The following GNA13 variants were observed in gnomAD, a reference collection of about 807,000 sequenced individuals.
The protein encoded by GNA13 is G protein subunit alpha 13.
GNA13 carries 4 observed loss-of-function variants against 33.5 expected under a neutral mutation model. The ratio of observed to expected loss-of-function variants is 0.12; its 90% confidence interval spans 0.06 to 0.27. The LOEUF (loss-of-function observed/expected upper bound fraction) is 0.27, where lower values mean the gene tolerates loss of function less well. GNA13 is among the 10% of genes least tolerant of loss of function. The probability of loss-of-function intolerance (pLI) is 1.00; values close to 1 mark genes in which losing one functional copy is unlikely to be tolerated. For missense variants in GNA13, 319 were observed against 487.2 expected, an observed-to-expected ratio of 0.65 and a Z score of 3.25; for synonymous variants, 176 against 183.8, an observed-to-expected ratio of 0.96 and a Z score of 0.34.
At chr17:65,048,690 A>C (rs1907755851) in intron 2 of GNA13, among the ~76,000 whole-genome samples, 1 of 152,212 alleles carries the variant, frequency 6.6e-6, no homozygotes, top group Non-Finnish European at 1.5e-5. Context: ...ATTACTAACA[A>C]ATGAGTAGTC....
chr17:65,014,743 A>T lies in GNA13; in HGVS notation c.648T>A (p.Val216=). The part of the protein sequence containing the change: ...IHEYDFEIKN[V]PFKMVDVGGQ... Reference sequence around the variant, plus strand: ...CACCTACATCAACCATTTTGAAAGGAACATTTTTTATTTCAAAGTCGTATT... The same window carrying T: ...CACCTACATCAACCATTTTGAAAGGTACATTTTTTATTTCAAAGTCGTATT... Residue 216 remains valine (V), a synonymous_variant, in exon 4 of 4, where the codon GTT becomes GTA. Coordinates refer to ENST00000439174, the MANE Select transcript of GNA13 (RefSeq NM_006572.6). The surrounding 1 kb of genome is among the most constrained non-coding windows in gnomAD (Gnocchi z 5.3). The T allele has an allele frequency of 6.2e-7, 1 of 1,613,912 alleles. No individual in the cohort carries two copies. Among genetic ancestry groups the T allele is most frequent in the Non-Finnish European group, 8.5e-7 (1 of 1,179,790 alleles).
At chr17:65,046,510 T>G (rs1478503601) in intron 2 of GNA13, among the ~76,000 whole-genome samples, 1 of 152,210 alleles carries the variant, frequency 6.6e-6, no homozygotes, top group Non-Finnish European at 1.5e-5. Flanking sequence ...CAGGCCGTTC[T>G]GGAATTCTTG....
At position 65,039,419 on chromosome 17, in the gene GNA13, G is replaced by A. The variant is rs141405486; in HGVS notation, c.510+14083C>T. 1.8e-4 allele frequency among the ~76,000 whole-genome samples: 27 copies of A among 152,292 alleles called. 1 individual carries two copies. The highest frequency in any genetic ancestry group is 4.1e-4 in the South Asian group (2 of 4,824). On this transcript the variant is annotated intron_variant, in intron 2 of 3. Coordinates refer to ENST00000439174, the MANE Select transcript of GNA13 (RefSeq NM_006572.6). ...TTGGTGGCTTCCCAAGGCAGTCAGA[G>A]AAACCCCAAACTTCTCAACATGGGC... is the stretch of plus-strand genomic sequence containing the variant.
chr17:65,039,122 AG>A (rs1907367253), intron 2 of GNA13, among the ~76,000 whole-genome samples: 1 of 152,196 alleles, frequency 6.6e-6, no homozygotes, highest in African/African-American at 2.4e-5. Flanking sequence ...TAGTTGATAA[AG>A]CCAGAAACTT....
chr17:65,038,391 A>G (rs1907336206), intron 2 of GNA13, among the ~76,000 whole-genome samples: 2 of 111,894 alleles, frequency 1.8e-5, no homozygotes, highest in Non-Finnish European at 3.7e-5. Flanking sequence ...CAACAGAGCA[A>G]GACACCATCT....
At position 65,012,298 on chromosome 17, in the gene GNA13, T is replaced by C. The variant is rs939015156; in HGVS notation, c.*1959A>G. The C allele has an allele frequency of 4.5e-6, 1 of 223,676 alleles. No individual in the cohort carries two copies. Among genetic ancestry groups the C allele is most frequent in the Non-Finnish European group, 8.9e-6 (1 of 112,116 alleles). 13.9% of individuals were successfully genotyped at this position (223,676 alleles called of 1,614,324 possible). A position where few individuals can be genotyped will look rare whatever the true frequency, so the allele number is the denominator to read the frequency against. The stretch of plus-strand genomic sequence containing the variant: ...CAAATGTTTTGGCCATTCAATTTGC[T>C]AAATGTATGGGTAAACTCTCCAATG... On this transcript the variant is annotated 3_prime_UTR_variant, in exon 4 of 4. Coordinates refer to ENST00000439174, the MANE Select transcript of GNA13 (RefSeq NM_006572.6).
At chr17:65,056,255 G>GCC in intron 1 of GNA13, 56 bp downstream of exon 1, 4 of 508,076 alleles carry the variant, frequency 7.9e-6, no homozygotes, top group African/African-American at 4.3e-5. Flanking sequence ...CCCCGCACCC[G>GCC]CCGCCGCCCC....
In GNA13 at chr17:65,010,748, C is replaced by T. The variant is rs765331746; in HGVS notation, c.*3509G>A. 8.6e-5 allele frequency: 18 copies of T among 210,310 alleles called. No individual in the cohort carries two copies. The highest frequency in any genetic ancestry group is 2.3e-4 in the Admixed American group (4 of 17,026). The allele number at this position is 210,310 out of a possible 1,614,324, so 13.0% of individuals were successfully genotyped here. ...TCTAAATTTATTAGGGAGTTTGTTACAAATGTTTGGGCTTTACAGGCATGA... is the reference window on the plus strand; with the variant it reads ...TCTAAATTTATTAGGGAGTTTGTTATAAATGTTTGGGCTTTACAGGCATGA... On this transcript the variant is annotated 3_prime_UTR_variant, in exon 4 of 4. Coordinates refer to ENST00000439174, the MANE Select transcript of GNA13 (RefSeq NM_006572.6).
intron 2 of GNA13, among the ~76,000 whole-genome samples, chr17:65,019,363 C>T (rs1306292354): frequency 1.3e-5 from 2 of 152,166 alleles, no homozygotes; most frequent in East Asian, 3.8e-4. Context: ...GAGATATCTG[C>T]ACCCCCACGT....
intron 2 of GNA13, among the ~76,000 whole-genome samples, chr17:65,050,210 G>A (rs1907813619): frequency 1.3e-5 from 2 of 152,162 alleles, no homozygotes; most frequent in Admixed American, 1.3e-4. Context: ...TAGAGGAAAG[G>A]AGGGAATGAA....
At chr17:65,018,358 T>G in intron 2 of GNA13, 55 bp from the exon 3 acceptor site, 1 of 867,176 alleles carries the variant, frequency 1.2e-6, no homozygotes, top group Non-Finnish European at 2.0e-6. Context: ...GAAGATCTTG[T>G]TACAACAGTT....
chr17:65,052,573 T>A (rs1567829166), intron 2 of GNA13, among the ~76,000 whole-genome samples: 1 of 152,236 alleles, frequency 6.6e-6, no homozygotes, highest in Non-Finnish European at 1.5e-5. Flanking sequence ...ATCTTTCTGA[T>A]CTTTGGCAAA....
At position 65,056,364 on chromosome 17, in the gene GNA13, T is replaced by G. The variant is rs1162010335; in HGVS notation, c.230A>C (p.Asp77Ala). 2 of 1,603,652 alleles carry G rather than the reference T, an allele frequency of 1.2e-6. No individual in the cohort carries two copies. Among genetic ancestry groups the G allele is most frequent in the Non-Finnish European group, 1.7e-6 (2 of 1,173,954 alleles). Reference protein sequence around the residue: ...QMRIIHGQDFDQRAREEFRPT... With the variant: ...QMRIIHGQDFAQRAREEFRPT... The stretch of plus-strand genomic sequence containing the variant: ...GCGGAACTCCTCGCGCGCGCGCTGG[T>G]CGAAGTCCTGCCCGTGGATGATCCG... The change falls in exon 1 of 4, where the codon GAC becomes GCC. Residue 77 changes from aspartate to alanine, a missense_variant. Asp to Ala is a moderately radical substitution (Grantham distance 126). Transcript: ENST00000439174.
chr17:65,048,089 T>C (rs1907730721), intron 2 of GNA13, among the ~76,000 whole-genome samples: 1 of 152,212 alleles, frequency 6.6e-6, no homozygotes, highest in African/African-American at 2.4e-5. Context: ...GACTGGCCAT[T>C]ACAGGAAGTT....
chr17:65,051,801 T>C (rs541391242), intron 2 of GNA13: 2 of 152,334 alleles, frequency 1.3e-5, no homozygotes, highest in Admixed American at 6.5e-5. Context: ...CATGCAATAC[T>C]GGCAGCTACG....
intron 2 of GNA13, among the ~76,000 whole-genome samples, chr17:65,024,065 G>A (rs1906685076): frequency 1.3e-5 from 2 of 152,096 alleles, no homozygotes; most frequent in Non-Finnish European, 2.9e-5. Flanking sequence ...ACCCACCTAG[G>A]CAACATACTG....
At chr17:65,040,676 T>C (rs1907420711) in intron 2 of GNA13, among the ~76,000 whole-genome samples, 1 of 152,126 alleles carries the variant, frequency 6.6e-6, no homozygotes, top group Non-Finnish European at 1.5e-5. Context: ...GTATTTTTAG[T>C]AGAGACGGGT....
intron 2 of GNA13, among the ~76,000 whole-genome samples, chr17:65,033,803 A>C (rs1008720687): frequency 6.6e-6 from 1 of 152,084 alleles, no homozygotes; most frequent in Non-Finnish European, 1.5e-5. Context: ...TCACAAGGTC[A>C]GGAGTTTGAG....
chr17:65,042,110 G>A lies in GNA13; in HGVS notation c.510+11392C>T, dbSNP rs188681155. 9.6e-3 allele frequency among the ~76,000 whole-genome samples: 1,453 copies of A among 152,138 alleles called. 8 individuals are homozygous for A. Among genetic ancestry groups the A allele is most frequent in the Admixed American group, 0.024 (374 of 15,266 alleles). On this transcript the variant is annotated intron_variant, in intron 2 of 3. Transcript: ENST00000439174. ...GCGGTGGCTCACACCTGTAATCCCC[G>A]CACTTAGGGAGGTCAAGGCAGGTGG...
Sources: gnomAD v4.1 joint callset for allele counts (sites outside exome capture counted in the v4.1 genomes callset) on GRCh38, gnomAD v4.1.1 for gene constraint, Gnocchi (gnomAD v3.1) non-coding constraint, MANE v1.5 for transcripts, NCBI Gene and HGNC (gene_info 2026-07-23, HGNC 2026-07-21) for gene names.